MACROD1: variants seen among roughly 807,000 people sequenced by gnomAD.
MACROD1 encodes the protein ADP-ribose glycohydrolase MACROD1.
A neutral mutation model predicts 41.4 loss-of-function variants in MACROD1; 31 were observed. The ratio of observed to expected loss-of-function variants is 0.75; its 90% CI spans 0.56 to 1.01. MACROD1 has a LOEUF of 1.01. Ranked by LOEUF, MACROD1 falls within the 50% of genes least tolerant of loss-of-function variation. The pLI is 0.00. For missense variants in MACROD1, 473 were observed against 460.0 expected, an observed-to-expected ratio of 1.03 and a Z score of -0.26; for synonymous variants, 252 against 203.4, an observed-to-expected ratio of 1.24 and a Z score of -2.03.
In MACROD1 at chr11:64,150,532, G is replaced by A. The variant is rs572833885; in HGVS notation, c.517+707C>T. ...CAAAGGAGCAAGCGAGCAGGCGGGC[G>A]AGGGCCGGGGTTCAGCCGCCACTCA... On this transcript the variant is annotated intron_variant, in intron 3 of 10. Transcript: ENST00000255681. Among the ~76,000 whole-genome samples the A allele has an allele frequency of 7.9e-5, 12 of 152,276 alleles. 1 individual carries two copies. Among genetic ancestry groups the A allele is most frequent in the Admixed American group, 3.9e-4 (6 of 15,296 alleles).
At chr11:64,030,572 C>T (rs574972064) in intron 3 of MACROD1, among the ~76,000 whole-genome samples, 30 of 152,230 alleles carry the variant, frequency 2.0e-4, no homozygotes, top group Non-Finnish European at 3.5e-4. Flanking sequence ...TACTATTGTA[C>T]GTACTCCCCA....
At chr11:64,066,810 A>G (rs1944014487) in intron 3 of MACROD1, among the ~76,000 whole-genome samples, 1 of 152,228 alleles carries the variant, frequency 6.6e-6, no homozygotes, top group Non-Finnish European at 1.5e-5. Flanking sequence ...CGAGAACTCC[A>G]TTAGACAGAG....
intron 3 of MACROD1, among the ~76,000 whole-genome samples, chr11:64,131,674 A>T (rs1314778085): frequency 2.0e-5 from 3 of 152,156 alleles, no homozygotes; most frequent in African/African-American, 7.2e-5. Context: ...CTCTGGGAGC[A>T]GAGACTACCC....
intron 4 of MACROD1, among the ~76,000 whole-genome samples, chr11:64,014,418 T>C (rs955075760): frequency 1.3e-5 from 2 of 152,258 alleles, no homozygotes; most frequent in African/African-American, 4.8e-5. Context: ...TATTTATTCC[T>C]GACCTTTATG....
intron 3 of MACROD1, chr11:64,103,606 TA>T (rs1253952580): frequency 2.1e-5 from 3 of 140,376 alleles, no homozygotes; most frequent in Non-Finnish European, 3.1e-5. Context: ...AAAGCCTTGG[TA>T]AACAAAAAGG....
At chr11:64,111,767 T>C (rs946600050) in intron 3 of MACROD1, among the ~76,000 whole-genome samples, 11 of 152,212 alleles carry the variant, frequency 7.2e-5, no homozygotes, top group African/African-American at 2.7e-4. Context: ...AAGCCCGTCC[T>C]TTCCCATGAT....
At chr11:64,037,417 C>CGGGAGGA (rs1943403389) in intron 3 of MACROD1, among the ~76,000 whole-genome samples, 1 of 152,178 alleles carries the variant, frequency 6.6e-6, no homozygotes, top group Non-Finnish European at 1.5e-5. Context: ...CCGCCAGCCC[C>CGGGAGGA]GGGAGGAGAG....
intron 3 of MACROD1, among the ~76,000 whole-genome samples, chr11:64,099,548 AGATGGATG>A (rs971109286): frequency 1.3e-5 from 2 of 151,744 alleles, no homozygotes; most frequent in Admixed American, 1.3e-4. Context: ...AAAGATGGAG[AGATGGATG>A]GATGGATAGA....
intron 3 of MACROD1, chr11:64,117,744 C>T (rs1945017970): frequency 6.2e-7 from 1 of 1,613,884 alleles, no homozygotes; most frequent in Non-Finnish European, 8.5e-7. Context: ...GACAGAGTAC[C>T]TGCTGACAGC....
intron 3 of MACROD1, among the ~76,000 whole-genome samples, chr11:64,084,604 C>G (rs1486948145): frequency 6.6e-6 from 1 of 152,182 alleles, no homozygotes; most frequent in Non-Finnish European, 1.5e-5. Flanking sequence ...TGGACAGTAC[C>G]CACTTAGGAC....
chr11:64,078,464 G>A (rs1944243929), intron 3 of MACROD1, among the ~76,000 whole-genome samples: 1 of 152,198 alleles, frequency 6.6e-6, no homozygotes, highest in Admixed American at 6.5e-5. Flanking sequence ...GAAACAAGAG[G>A]AGCCACTTAG....
chr11:64,102,640 C>T (rs913237082), intron 3 of MACROD1, among the ~76,000 whole-genome samples: 6 of 152,200 alleles, frequency 3.9e-5, no homozygotes, highest in Admixed American at 1.3e-4. Flanking sequence ...CCTTCCACCC[C>T]CAGGGAGGGA....
chr11:64,056,192 T>C (rs1565212169), intron 3 of MACROD1, among the ~76,000 whole-genome samples: 1 of 152,144 alleles, frequency 6.6e-6, no homozygotes, highest in Non-Finnish European at 1.5e-5. Flanking sequence ...CAAAAATGCC[T>C]GGGTGTCTTT....
chr11:64,128,378 C>T (rs567732265), intron 3 of MACROD1, among the ~76,000 whole-genome samples: 9 of 152,298 alleles, frequency 5.9e-5, no homozygotes, highest in East Asian at 1.9e-4. Context: ...GCCTGCTATG[C>T]TCTGGGGCTG....
chr11:64,002,178 T>A (rs1409786982), intron 4 of MACROD1, among the ~76,000 whole-genome samples: 1 of 152,038 alleles, frequency 6.6e-6, no homozygotes, highest in East Asian at 1.9e-4. Context: ...AGCCCAGGGA[T>A]CTGTCTGAGC....
chr11:64,077,103 C>T (rs963465771), intron 3 of MACROD1, among the ~76,000 whole-genome samples: 2 of 152,136 alleles, frequency 1.3e-5, no homozygotes, highest in South Asian at 2.1e-4. Context: ...GCCCAGTGCC[C>T]TCCACCTCAG....
chr11:64,059,157 C>T (rs934626261), intron 3 of MACROD1, among the ~76,000 whole-genome samples: 5 of 152,132 alleles, frequency 3.3e-5, no homozygotes, highest in Admixed American at 1.3e-4. Flanking sequence ...TCTGTGTTTC[C>T]CCCAGAGGAC....
chr11:64,109,346 G>A (rs140720407), intron 3 of MACROD1, among the ~76,000 whole-genome samples: 301 of 152,292 alleles, frequency 2.0e-3, no homozygotes, highest in Middle Eastern at 6.8e-3. Context: ...AGGCTTTGCA[G>A]TTGGGTGTAG....
chr11:63,999,420 C>T lies in MACROD1; in HGVS notation c.818-16G>A. 6.4e-7 allele frequency: 1 copy of T among 1,561,336 alleles called. No individual in the cohort carries two copies. Among genetic ancestry groups the T allele is most frequent in the Non-Finnish European group, 8.6e-7 (1 of 1,156,824 alleles). On this transcript the variant is annotated splice_polypyrimidine_tract_variant and intron_variant, in intron 7 of 10. Transcript: ENST00000255681. ...CAGGGGTAGCCTGAGGCGGGTGGGG[C>T]GGGAGTGAGTCCTAGGCTCTGGCCC...
Sources: allele counts gnomAD v4.1 joint callset (sites outside exome capture counted in the v4.1 genomes callset), GRCh38; gene constraint gnomAD v4.1.1; transcripts MANE v1.5; gene names NCBI Gene and HGNC (gene_info 2026-07-23, HGNC 2026-07-21).